Variants in CAMK1D observed in about 807,000 individuals in gnomAD.
CAMK1D encodes the protein calcium/calmodulin-dependent protein kinase type 1D.
CAMK1D carries 9 observed loss-of-function variants against 47.7 expected under a neutral mutation model. The observed-to-expected ratio is 0.19, with a 90% CI of 0.11 to 0.33. CAMK1D has a LOEUF of 0.33. Among genes scored for constraint, CAMK1D ranks in the 10% least tolerant of loss-of-function variants. The pLI is 1.00. For synonymous variants in CAMK1D, 184 were observed against 184.9 expected (o/e 0.99, Z 0.04); for missense variants, 291 against 488.7 (o/e 0.60, Z 3.81).
intron 9 of CAMK1D, 129 bp from the exon 10 acceptor site, chr10:12,825,444 T>C (rs1404027171): frequency 2.4e-6 from 2 of 837,158 alleles, no homozygotes; most frequent in Non-Finnish European, 3.6e-6. Context: ...GCTTTCCTTC[T>C]TGAGTAGCAT....
At chr10:12,390,214 A>C (rs1331737790) in intron 1 of CAMK1D, among the ~76,000 whole-genome samples, 1 of 152,142 alleles carries the variant, frequency 6.6e-6, no homozygotes, top group Admixed American at 6.5e-5. Flanking sequence ...GTGGCCGAAG[A>C]ACTATAAAGT....
At chr10:12,535,796 C>T (rs1588605628) in intron 1 of CAMK1D, among the ~76,000 whole-genome samples, 1 of 152,160 alleles carries the variant, frequency 6.6e-6, no homozygotes, top group Admixed American at 6.5e-5. Context: ...CTCATCCATG[C>T]AGTTACTGTT....
intron 2 of CAMK1D, among the ~76,000 whole-genome samples, chr10:12,557,054 C>T (rs1454179016): frequency 6.6e-6 from 1 of 152,072 alleles, no homozygotes; most frequent in African/African-American, 2.4e-5. Flanking sequence ...GAGTTTCTGA[C>T]ATGGATGCCT....
At chr10:12,356,077 A>G (rs1837505748) in intron 1 of CAMK1D, among the ~76,000 whole-genome samples, 1 of 151,852 alleles carries the variant, frequency 6.6e-6, no homozygotes, top group Admixed American at 6.6e-5. Flanking sequence ...TTTTGCAGTG[A>G]GCCGAGATTG....
At chr10:12,695,060 A>ATAGATAGATACACAGG (rs1554811991) in intron 3 of CAMK1D, among the ~76,000 whole-genome samples, 1 of 85,914 alleles carries the variant, frequency 1.2e-5, no homozygotes, top group East Asian at 4.1e-4. Context: ...AGATAGATAG[A>ATAGATAGATACACAGG]TAGATACATA....
At chr10:12,362,438 A>C (rs1837693883) in intron 1 of CAMK1D, among the ~76,000 whole-genome samples, 1 of 152,150 alleles carries the variant, frequency 6.6e-6, no homozygotes, top group South Asian at 2.1e-4. Context: ...CTGATATAAA[A>C]TGGTGTAGTA....
rs148918829 is a variant in CAMK1D at position 12,770,470 on chromosome 10, G to A, written c.565+671G>A. On this transcript the variant is annotated intron_variant, in intron 5 of 10. Transcript: ENST00000619168. The stretch of plus-strand genomic sequence containing the variant: ...TTCTGAGACCTTCATTGACATCAGC[G>A]TATTCATGCATTCCTTCATTCATTC... Among the ~76,000 whole-genome samples, 373 of 152,284 alleles carry A rather than the reference G, an allele frequency of 2.4e-3. 1 individual carries two copies. The highest frequency in any genetic ancestry group is 8.5e-3 in the African/African-American group (354 of 41,554).
At chr10:12,615,309 ATTCCAT>A (rs1361520114) in intron 2 of CAMK1D, among the ~76,000 whole-genome samples, 4 of 152,242 alleles carry the variant, frequency 2.6e-5, no homozygotes, top group African/African-American at 4.8e-5. Flanking sequence ...TGCATTTTAT[ATTCCAT>A]TTCCATCTAA....
chr10:12,477,669 G>A (rs74116930), intron 1 of CAMK1D, among the ~76,000 whole-genome samples: 2,000 of 152,304 alleles, frequency 0.013, 43 homozygotes, highest in African/African-American at 0.043. Flanking sequence ...AGAGGAGACT[G>A]TGGAGGGAGG....
intron 1 of CAMK1D, among the ~76,000 whole-genome samples, chr10:12,545,100 C>G (rs1836318642): frequency 1.3e-5 from 2 of 151,996 alleles, no homozygotes; most frequent in South Asian, 4.2e-4. Flanking sequence ...AACTCCTGTT[C>G]TCATACAGGA....
intron 1 of CAMK1D, among the ~76,000 whole-genome samples, chr10:12,538,753 C>A (rs1411467089): frequency 2.0e-5 from 3 of 152,028 alleles, no homozygotes; most frequent in East Asian, 3.9e-4. Context: ...ACAGACCGTG[C>A]ATGCTTAAGG....
At chr10:12,609,875 A>G (rs777393812) in intron 2 of CAMK1D, among the ~76,000 whole-genome samples, 14 of 152,182 alleles carry the variant, frequency 9.2e-5, no homozygotes, top group South Asian at 4.1e-4. Flanking sequence ...CTCAAGAGGG[A>G]GGGAAAGATC....
At chr10:12,387,661 A>AT (rs1033224537) in intron 1 of CAMK1D, among the ~76,000 whole-genome samples, 1 of 149,506 alleles carries the variant, frequency 6.7e-6, no homozygotes, top group African/African-American at 2.5e-5. Context: ...TAATTTTTGT[A>AT]TTTTGTTTGG....
intron 1 of CAMK1D, among the ~76,000 whole-genome samples, chr10:12,497,709 C>G (rs1834584074): frequency 6.6e-6 from 1 of 152,098 alleles, no homozygotes; most frequent in African/African-American, 2.4e-5. Flanking sequence ...TGAAAATTGA[C>G]TAAAGCCTTG....
chr10:12,615,868 A>ATG (rs10654979), intron 2 of CAMK1D, among the ~76,000 whole-genome samples: 131,538 of 151,662 alleles, frequency 0.87, 59,279 homozygotes, highest in Non-Finnish European at 0.99. Flanking sequence ...GTATGCATGT[A>ATG]TGTGTATAAG....
intron 2 of CAMK1D, among the ~76,000 whole-genome samples, chr10:12,631,956 G>A (rs1839391522): frequency 6.6e-6 from 1 of 152,180 alleles, no homozygotes; most frequent in Non-Finnish European, 1.5e-5. Flanking sequence ...GAGGTGCTCA[G>A]TAAATATTTG....
At chr10:12,670,120 G>A (rs1008506680) in intron 3 of CAMK1D, among the ~76,000 whole-genome samples, 9 of 124,638 alleles carry the variant, frequency 7.2e-5, no homozygotes, top group Admixed American at 5.8e-4. Context: ...TGGTTGTACC[G>A]TTTTGCTTTT....
chr10:12,767,018 G>A (rs1190675141), intron 4 of CAMK1D, among the ~76,000 whole-genome samples: 2 of 152,070 alleles, frequency 1.3e-5, no homozygotes, highest in Non-Finnish European at 2.9e-5. Context: ...AGAGCCCTGG[G>A]CCCCATCTCA....
intron 6 of CAMK1D, among the ~76,000 whole-genome samples, chr10:12,798,097 G>A (rs1263765635): frequency 6.6e-6 from 1 of 152,220 alleles, no homozygotes; most frequent in Non-Finnish European, 1.5e-5. Context: ...CAGAGCGAGA[G>A]GTCAGAAGGT....
Sources: allele counts gnomAD v4.1 joint callset (sites outside exome capture counted in the v4.1 genomes callset), GRCh38; gene constraint gnomAD v4.1.1; transcripts MANE v1.5; gene names NCBI Gene and HGNC (gene_info 2026-07-23, HGNC 2026-07-21).